The following NBPF9 variants were observed in gnomAD, a reference collection of about 807,000 sequenced individuals.
The protein encoded by NBPF9 is NBPF member 9, also known as NBPF family member NBPF9.
A neutral mutation model predicts 97.8 loss-of-function variants in NBPF9; 91 were observed. The observed-to-expected ratio is 0.93, with a 90% CI of 0.79 to 1.11. The LOEUF (loss-of-function observed/expected upper bound fraction) is 1.11, where lower values mean the gene tolerates loss of function less well. Ranked by LOEUF, NBPF9 falls within the 50% of genes least tolerant of loss-of-function variation. NBPF9 has a pLI of 0.00. For missense variants in NBPF9, 992 were observed against 939.5 expected (o/e 1.06, Z -0.73); for synonymous variants, 334 against 359.5 (o/e 0.93, Z 0.80).
chr1:149,055,743 G>A (rs782705276), exon 30 of NBPF9: 36 of 1,611,700 alleles, frequency 2.2e-5, no homozygotes, highest in Admixed American at 3.3e-5. Flanking sequence ...CGTAAAGGGC[G>A]AAGCTGATGT....
In NBPF9 at chr1:149,065,936, A is replaced by G. The variant is rs1363657777; in HGVS notation, c.1638-247T>C. On this transcript the variant is annotated intron_variant, in intron 17 of 29. Coordinates refer to ENST00000584027, the Ensembl canonical transcript of NBPF9. ...ACAGATGAGCCAACTCAGGGCACCC[A>G]GACTCTCCCTGTAAACTACCATCAT... The G allele has an allele frequency of 8.5e-3, 5,141 of 606,100 alleles. 46 individuals are homozygous for G. The highest frequency in any genetic ancestry group is 0.012 in the Non-Finnish European group (3,986 of 344,598). The allele number at this position is 606,100 out of a possible 1,614,324, so 37.5% of individuals were successfully genotyped here.
chr1:149,062,980 T>C (rs2078733956), intron 20 of NBPF9, 67 bp from the exon 21 acceptor site: 3 of 727,920 alleles, frequency 4.1e-6, no homozygotes, highest in Non-Finnish European at 5.0e-6. Flanking sequence ...CAATCCACTG[T>C]CTAATCCTCA....
rs2078457294 is a variant in NBPF9 at position 149,059,421 on chromosome 1, T to G, written c.2585+279A>C. The G allele has an allele frequency of 4.9e-6, 2 of 407,324 alleles. 1 individual carries two copies. Among genetic ancestry groups the G allele is most frequent in the Non-Finnish European group, 9.0e-6 (2 of 222,808 alleles). 25.2% of individuals were successfully genotyped at this position (407,324 alleles called of 1,614,324 possible). A position where few individuals can be genotyped will look rare whatever the true frequency, so the allele number is the denominator to read the frequency against. On this transcript the variant is annotated intron_variant, in intron 25 of 29. Transcript: ENST00000584027. ...CAGCAAACTGTGATCATGAAAAGAG[T>G]GAGCTCAATAGTTTTCCATAAAATA... is the stretch of plus-strand genomic sequence containing the variant.
At chr1:149,065,004 C>A (rs112619534) in intron 18 of NBPF9, 12 of 547,530 alleles carry the variant, frequency 2.2e-5, no homozygotes, top group Non-Finnish European at 3.9e-5. Flanking sequence ...AGGAACATGA[C>A]GGACAGATGA....
intron 16 of NBPF9, 122 bp downstream of exon 16, chr1:149,070,812 A>T (rs1174424408): frequency 4.1e-6 from 6 of 1,477,554 alleles, no homozygotes. Context: ...ACTCCCTGAT[A>T]TCTGTTTAGA....
intron 13 of NBPF9, among the ~76,000 whole-genome samples, chr1:149,073,223 G>A (rs1431727716): frequency 6.8e-6 from 1 of 147,454 alleles, no homozygotes; most frequent in Non-Finnish European, 1.5e-5. Flanking sequence ...CATCCTTTCA[G>A]TTCCTCACTC....
In NBPF9 at chr1:149,064,296, A is replaced by C. The variant is rs1333650888; in HGVS notation, c.1853+135T>G. The C allele has an allele frequency of 5.5e-5, 41 of 746,394 alleles. 4 individuals are homozygous for C. The highest frequency in any genetic ancestry group is 8.9e-5 in the Non-Finnish European group (40 of 450,372). 46.2% of individuals were successfully genotyped at this position (746,394 alleles called of 1,614,324 possible). A position where few individuals can be genotyped will look rare whatever the true frequency, so the allele number is the denominator to read the frequency against. ...AAACATTTACTCTAATGAGAACCAA[A>C]AAGCAATGTAGTAGGCATAATTCAT... On this transcript the variant is annotated intron_variant, in intron 19 of 29. Transcript: ENST00000584027.
At chr1:149,080,977 T>C (rs1314031661) in intron 7 of NBPF9, among the ~76,000 whole-genome samples, 23 of 151,766 alleles carry the variant, frequency 1.5e-4, no homozygotes, top group African/African-American at 5.1e-4. Context: ...TGAGGGTCCC[T>C]GCTTTGCACA....
At chr1:149,082,984 T>TTTTTTTTTTTTTTTTTTTTGC (rs2080648223) in intron 5 of NBPF9, among the ~76,000 whole-genome samples, 1 of 121,112 alleles carries the variant, frequency 8.3e-6, no homozygotes, top group African/African-American at 3.1e-5. Context: ...TTTTTTTTTG[T>TTTTTTTTTTTTTTTTTTTTGC]ATTTTTAGTA....
chr1:149,100,100 A>G (rs2082050761), intron 3 of NBPF9, among the ~76,000 whole-genome samples: 3 of 142,392 alleles, frequency 2.1e-5, no homozygotes, highest in African/African-American at 7.7e-5. Context: ...TACGATCCAT[A>G]AAGTTTTCCT....
Position 149,079,034 on chromosome 1 carries a change from G to GT in NBPF9, c.465dup (p.Gln156ThrfsTer12), listed in dbSNP as rs2080160128. The GT allele has an allele frequency of 2.0e-6, 3 of 1,524,598 alleles. No homozygotes were observed. In the South Asian group the frequency reaches 3.4e-5, roughly 17 times the overall value. 94.4% of individuals were successfully genotyped at this position (1,524,598 alleles called of 1,614,324 possible). A position where few individuals can be genotyped will look rare whatever the true frequency, so the allele number is the denominator to read the frequency against. ...GGGCTGAGCTTTTGGACAAGGTGCT[G>GT]TGCCAGTCTACACCCCTCAGCCAGC... On this transcript the variant is annotated frameshift_variant, in exon 9 of 30. Transcript: ENST00000584027. LOFTEE classifies it high-confidence loss of function.
In NBPF9 at chr1:149,061,879, T is replaced by C. The variant is rs1553650019; in HGVS notation, c.2251+214A>G. Reference sequence around the variant, plus strand: ...GAGCGGGCTCAGGTTGCCACAGGCATGGCTGGAGACTAGGAATGGAGCCTT... The same window carrying C: ...GAGCGGGCTCAGGTTGCCACAGGCACGGCTGGAGACTAGGAATGGAGCCTT... On this transcript the variant is annotated intron_variant, in intron 22 of 29. Coordinates refer to ENST00000584027, the Ensembl canonical transcript of NBPF9. 1.2e-5 allele frequency: 5 copies of C among 421,390 alleles called. 1 individual carries two copies. The highest frequency in any genetic ancestry group is 2.1e-5 in the Non-Finnish European group (5 of 237,310). The allele number at this position is 421,390 out of a possible 1,614,324, so 26.1% of individuals were successfully genotyped here.
chr1:149,052,221 A>C (rs1338363857), downstream of NBPF9, among the ~76,000 whole-genome samples: 2 of 151,894 alleles, frequency 1.3e-5, no homozygotes, highest in Admixed American at 6.6e-5. Flanking sequence ...ATAAACACAA[A>C]CCATTAAAGA....
At chr1:149,073,105 G>A (rs1214714902) in intron 13 of NBPF9, among the ~76,000 whole-genome samples, 173 bp from the exon 14 acceptor site, 1 of 149,306 alleles carries the variant, frequency 6.7e-6, no homozygotes, top group Non-Finnish European at 1.5e-5. Context: ...TGGTTTACAG[G>A]CTTCCTCTGT....
intron 18 of NBPF9, 164 bp downstream of exon 18, chr1:149,065,362 T>C: frequency 1.2e-6 from 1 of 813,208 alleles, no homozygotes; most frequent in East Asian, 2.6e-5. Context: ...CCCATGCCTG[T>C]GCTTCAGACT....
intron 5 of NBPF9, among the ~76,000 whole-genome samples, chr1:149,089,808 G>A (rs1268274952): frequency 2.0e-5 from 3 of 152,290 alleles, no homozygotes; most frequent in African/African-American, 2.4e-5. Flanking sequence ...AGTGCTACAT[G>A]GCATTGGGGC....
exon 30 of NBPF9, chr1:149,055,781 T>A: frequency 6.2e-7 from 1 of 1,611,522 alleles, no homozygotes; most frequent in Non-Finnish European, 8.5e-7. Context: ...TAAAACACAC[T>A]TCTGTAGTGC....
intron 5 of NBPF9, among the ~76,000 whole-genome samples, chr1:149,089,219 G>C (rs1413044006): frequency 2.0e-5 from 3 of 152,282 alleles, no homozygotes; most frequent in African/African-American, 7.2e-5. Context: ...GCACACCGCT[G>C]TTCCCCTCAC....
chr1:149,058,267 C>T lies in NBPF9; in HGVS notation c.2759-52G>A, dbSNP rs587752777. On this transcript the variant is annotated intron_variant, in intron 26 of 29. Transcript: ENST00000584027. ...CAAAATAAGCCAATTCACCTACACC[C>T]ATAACAGTCCACTGTCTAATCCCCA... is the stretch of plus-strand genomic sequence containing the variant. 1,504 of 324,998 alleles carry T rather than the reference C, an allele frequency of 4.6e-3. 44 individuals carry two copies. The highest frequency in any genetic ancestry group is 0.014 in the Middle Eastern group (14 of 996). The allele number at this position is 324,998 out of a possible 1,614,324, so 20.1% of individuals were successfully genotyped here. A position where few individuals can be genotyped will look rare whatever the true frequency, so the allele number is the denominator to read the frequency against.
Sources: allele counts gnomAD v4.1 joint callset (sites outside exome capture counted in the v4.1 genomes callset), GRCh38; gene constraint gnomAD v4.1.1; transcripts MANE v1.5; gene names NCBI Gene and HGNC (gene_info 2026-07-23, HGNC 2026-07-21).